The following SLC13A3 variants were observed in gnomAD, a reference collection of about 807,000 sequenced individuals.
SLC13A3 encodes solute carrier family 13 member 3.
SLC13A3 carries 40 observed loss-of-function variants against 59.0 expected under a neutral mutation model. That is an observed-to-expected ratio of 0.68 (90% CI 0.53 to 0.88). The LOEUF (loss-of-function observed/expected upper bound fraction) is 0.88, where lower values mean the gene tolerates loss of function less well. Among genes scored for constraint, SLC13A3 ranks in the 40% least tolerant of loss-of-function variants. The pLI is 0.00. For missense variants in SLC13A3, 699 were observed against 783.2 expected, an observed-to-expected ratio of 0.89 and a Z score of 1.28; for synonymous variants, 317 against 330.3, an observed-to-expected ratio of 0.96 and a Z score of 0.44.
upstream of SLC13A3, among the ~76,000 whole-genome samples, chr20:46,652,609 T>C (rs2062959723): frequency 6.6e-6 from 1 of 150,452 alleles, no homozygotes; most frequent in Admixed American, 6.7e-5. Flanking sequence ...TTGGCCAGGC[T>C]GGTCTCGAAC....
chr20:46,650,668 A>T (rs1019097865), intron 1 of SLC13A3, among the ~76,000 whole-genome samples: 2 of 152,192 alleles, frequency 1.3e-5, no homozygotes, highest in African/African-American at 4.8e-5. Context: ...AGAGAGGTTA[A>T]GTGACTTGCA....
At chr20:46,597,290 A>G (rs1186301826) in intron 4 of SLC13A3, among the ~76,000 whole-genome samples, 1 of 152,146 alleles carries the variant, frequency 6.6e-6, no homozygotes, top group African/African-American at 2.4e-5. Context: ...TAATGTTGGC[A>G]TTATTGAGAT....
At chr20:46,593,382 G>A (rs1012891870) in intron 5 of SLC13A3, among the ~76,000 whole-genome samples, 2 of 152,158 alleles carry the variant, frequency 1.3e-5, no homozygotes, top group East Asian at 3.8e-4. Flanking sequence ...GGAAAAGTAA[G>A]TTATAGAATG....
intron 3 of SLC13A3, among the ~76,000 whole-genome samples, chr20:46,606,346 AG>A (rs957994060): frequency 6.6e-6 from 1 of 152,196 alleles, no homozygotes; most frequent in African/African-American, 2.4e-5. Flanking sequence ...CTCACGTAAG[AG>A]GCAGTGTCCT....
Position 46,583,537 on chromosome 20 carries a change from T to G in SLC13A3, c.1219+35A>C, listed in dbSNP as rs201447312. On this transcript the variant is annotated intron_variant, in intron 9 of 12. Coordinates refer to ENST00000279027, the MANE Select transcript of SLC13A3 (RefSeq NM_022829.6). Reference sequence around the variant, plus strand: ...CCACACTCCATGCCGCAGTCCTCACTGAGCCCACCGAGACCCCAGCCTTGA... The same window carrying G: ...CCACACTCCATGCCGCAGTCCTCACGGAGCCCACCGAGACCCCAGCCTTGA... The G allele has an allele frequency of 3.1e-6, 5 of 1,599,024 alleles. No individual in the cohort carries two copies. The African/African-American group carries it at 4.2e-5, about 14-fold the overall frequency.
At chr20:46,605,303 G>A (rs180714448) in intron 3 of SLC13A3, among the ~76,000 whole-genome samples, 19 of 152,250 alleles carry the variant, frequency 1.2e-4, no homozygotes, top group African/African-American at 3.4e-4. Context: ...ACCTGGTGCT[G>A]AGCAGAGCTC....
intron 1 of SLC13A3, among the ~76,000 whole-genome samples, chr20:46,615,339 G>A (rs1288625514): frequency 6.6e-6 from 1 of 152,078 alleles, no homozygotes; most frequent in South Asian, 2.1e-4. Context: ...CATCCTAAGA[G>A]CCACCCTCAT....
chr20:46,563,603 C>A, intron 11 of SLC13A3, 52 bp from the exon 12 acceptor site: 3 of 1,230,324 alleles, frequency 2.4e-6, no homozygotes, highest in Non-Finnish European at 3.3e-6. Context: ...CGCAGAGCGA[C>A]CACAGCAAGA....
intron 9 of SLC13A3, among the ~76,000 whole-genome samples, chr20:46,580,771 C>G (rs2062127893): frequency 6.6e-6 from 1 of 152,030 alleles, no homozygotes; most frequent in Non-Finnish European, 1.5e-5. Flanking sequence ...GGGAACCAGA[C>G]CAAATTGAGG....
chr20:46,651,352 G>C lies in SLC13A3; in HGVS notation c.70C>G (p.Pro24Ala), dbSNP rs1212425936. 1.3e-6 allele frequency: 2 copies of C among 1,514,864 alleles called. No individual in the cohort carries two copies. Among genetic ancestry groups the C allele is most frequent in the South Asian group, 2.5e-5 (2 of 80,326 alleles). The allele number at this position is 1,514,864 out of a possible 1,614,324, so 93.8% of individuals were successfully genotyped here. ...AAGACCACCGGCAGCAGCGCGAGCG[G>C]CGTGAACAGCAGCACCAGCAGCCGC... ...ARRLLVLLFTPLALLPVVFAL... is the reference protein window; with the variant it reads ...ARRLLVLLFTALALLPVVFAL... The change falls in exon 1 of 13, where the codon CCG (proline) becomes GCG (alanine). Residue 24 changes from proline to alanine, a missense_variant. Transcript: ENST00000279027.
intron 1 of SLC13A3, among the ~76,000 whole-genome samples, chr20:46,648,037 C>T (rs759304459): frequency 7.2e-5 from 11 of 152,122 alleles, no homozygotes; most frequent in South Asian, 2.1e-4. Context: ...ACGCTGAGGA[C>T]GCCTGTCTTG....
chr20:46,572,824 T>G (rs927648517), intron 10 of SLC13A3, among the ~76,000 whole-genome samples: 1 of 152,200 alleles, frequency 6.6e-6, no homozygotes, highest in Non-Finnish European at 1.5e-5. Flanking sequence ...ACAAAGATCA[T>G]ACACCTAAGA....
rs541309193 is a variant in SLC13A3 at position 46,572,992 on chromosome 20, T to C, written c.1332+2581A>G. ...AGTCAGATAGACATGAGTTCAAATC[T>C]TACCTCTGCTACTAATGAGCTGTGT... On this transcript the variant is annotated intron_variant, in intron 10 of 12. Coordinates refer to ENST00000279027, the MANE Select transcript of SLC13A3 (RefSeq NM_022829.6). Among the ~76,000 whole-genome samples, 4 of 152,248 alleles carry C rather than the reference T, an allele frequency of 2.6e-5. No homozygotes were observed. In the East Asian group the frequency reaches 7.7e-4, roughly 29 times the overall value.
Position 46,639,546 on chromosome 20 carries a change from C to G in SLC13A3, c.111+11765G>C, listed in dbSNP as rs1464356482. Among the ~76,000 whole-genome samples the G allele has an allele frequency of 2.6e-5, 4 of 152,186 alleles. No homozygotes were observed. In the East Asian group the frequency reaches 5.8e-4, roughly 22 times the overall value. On this transcript the variant is annotated intron_variant, in intron 1 of 12. Transcript: ENST00000279027. ...AGCTCCTCCCTCCACTGCCTGATCA[C>G]TTGTGTTAGTTCTTGTCTCCATAAA...
intron 1 of SLC13A3, among the ~76,000 whole-genome samples, chr20:46,616,287 T>G (rs2062553422): frequency 6.6e-6 from 1 of 152,124 alleles, no homozygotes; most frequent in African/African-American, 2.4e-5. Context: ...AGACAAACTT[T>G]GAATGTAAAA....
intron 1 of SLC13A3, among the ~76,000 whole-genome samples, chr20:46,618,778 A>T (rs1352383290): frequency 6.6e-6 from 1 of 152,220 alleles, no homozygotes; most frequent in Non-Finnish European, 1.5e-5. Flanking sequence ...GCCCAAATGG[A>T]CTAAGACAGT....
chr20:46,573,861 T>C lies in SLC13A3; in HGVS notation c.1332+1712A>G, dbSNP rs3092808. 2.0e-3 allele frequency among the ~76,000 whole-genome samples: 302 copies of C among 152,362 alleles called. 1 individual carries two copies. Among genetic ancestry groups the C allele is most frequent in the African/African-American group, 7.0e-3 (291 of 41,586 alleles). ...AGGCGTCCAACATTGTAACTTCATT[T>C]GAAACTGAAAATTAAAATTGAATTA... On this transcript the variant is annotated intron_variant, in intron 10 of 12. Coordinates refer to ENST00000279027, the MANE Select transcript of SLC13A3 (RefSeq NM_022829.6).
Position 46,586,417 on chromosome 20 carries a change from G to A in SLC13A3, c.1121+1642C>T, listed in dbSNP as rs373899966. 3.6e-4 allele frequency among the ~76,000 whole-genome samples: 55 copies of A among 152,236 alleles called. 1 individual carries two copies. The South Asian group carries it at 0.011, about 30-fold the overall frequency. On this transcript the variant is annotated intron_variant, in intron 8 of 12. Coordinates refer to ENST00000279027, the MANE Select transcript of SLC13A3 (RefSeq NM_022829.6). ...TTCCTTTCCCCAGCTCCCAAGTGCT[G>A]GGGTTCCTCATGGTCTATACTCTAC... is the stretch of plus-strand genomic sequence containing the variant.
intron 3 of SLC13A3, among the ~76,000 whole-genome samples, chr20:46,600,336 G>GAAAAGA: frequency 6.8e-6 from 1 of 146,158 alleles, no homozygotes; most frequent in Admixed American, 6.9e-5. Context: ...AGGAAGGAAG[G>GAAAAGA]AAGGAAAGGA....
Sources: gnomAD v4.1 joint callset for allele counts (sites outside exome capture counted in the v4.1 genomes callset) on GRCh38, gnomAD v4.1.1 for gene constraint, MANE v1.5 for transcripts, NCBI Gene and HGNC (gene_info 2026-07-23, HGNC 2026-07-21) for gene names.